Variants in MYOF observed in about 807,000 individuals in gnomAD.
The protein encoded by MYOF is fer-1-like 3, myoferlin.
Under a neutral mutation model 284.2 loss-of-function variants are expected in MYOF, and 244 were observed. The ratio of observed to expected loss-of-function variants is 0.86; its 90% CI spans 0.77 to 0.95. The LOEUF is 0.95. Ranked by LOEUF, MYOF falls within the 40% of genes least tolerant of loss-of-function variation. MYOF has a pLI of 0.00. For synonymous variants in MYOF, 904 were observed against 919.7 expected, an observed-to-expected ratio of 0.98 and a Z score of 0.31; for missense variants, 2,496 against 2,560.6, an observed-to-expected ratio of 0.97 and a Z score of 0.54.
At position 93,351,531 on chromosome 10, in the gene MYOF, A is replaced by G. The variant is rs1844512126; in HGVS notation, c.3704T>C (p.Val1235Ala). ...GTCCATTTCTGAGTTCAGTTTCACCACAGGAGAGAAAATGCTTCGTCCTAA... is the reference window on the plus strand; with the variant it reads ...GTCCATTTCTGAGTTCAGTTTCACCGCAGGAGAGAAAATGCTTCGTCCTAA... ...EFLGRSIFSP[V>A]VKLNSEMDIT... Residue 1235 changes from valine to alanine, a missense_variant, in exon 34 of 54, where the codon GTG becomes GCG. Coordinates refer to ENST00000359263, the MANE Select transcript of MYOF (RefSeq NM_013451.4). 1 of 1,614,230 alleles carries G rather than the reference A, an allele frequency of 6.2e-7. No individual in the cohort carries two copies. Among genetic ancestry groups the G allele is most frequent in the African/African-American group, 1.3e-5 (1 of 75,070 alleles).
At chr10:93,475,768 C>A (rs146522002) in intron 1 of MYOF, among the ~76,000 whole-genome samples, 108 of 152,294 alleles carry the variant, frequency 7.1e-4, no homozygotes, top group African/African-American at 2.4e-3. Context: ...AAAACCCATA[C>A]CAGACAAATA....
Position 93,351,584 on chromosome 10 carries a change from AGTG to A in MYOF, c.3664-16_3664-14del, listed in dbSNP as rs1844516342. The A allele has an allele frequency of 6.2e-7, 1 of 1,613,006 alleles. No homozygotes were observed. The highest frequency in any genetic ancestry group is 1.7e-5 in the Admixed American group (1 of 59,866). ...ATTCATCTTTGCCCTAGAGAAACAA[AGTG>A]ATCCTTAAATTCCCCGACAATCATC... On this transcript the variant is annotated splice_polypyrimidine_tract_variant and intron_variant, in intron 33 of 53. Transcript: ENST00000359263.
At position 93,347,736 on chromosome 10, in the gene MYOF, A is replaced by T; in HGVS notation, c.4130T>A (p.Val1377Asp). 6.2e-7 allele frequency: 1 copy of T among 1,614,086 alleles called. No homozygotes were observed. The highest frequency in any genetic ancestry group is 8.5e-7 in the Non-Finnish European group (1 of 1,180,026). ...ELYMPPLVIK[V>D]IDHRQFGRKP... ...CCGCCCAAACTGCCTGTGGTCGATG[A>T]CCTTGATCACCAGTGGGGGCATGTA... The change falls in exon 37 of 54, where the codon GTC (valine) becomes GAC (aspartate). Residue 1377 changes from valine to aspartate, a missense_variant. By Grantham distance (152) the Val-to-Asp change is radical. Transcript: ENST00000359263.
At chr10:93,387,603 A>ATCAGTGT (rs985207466) in intron 19 of MYOF, among the ~76,000 whole-genome samples, 194 bp downstream of exon 19, 28 of 152,304 alleles carry the variant, frequency 1.8e-4, no homozygotes, top group Middle Eastern at 3.4e-3. Context: ...GTTTGTGGGT[A>ATCAGTGT]TCAGTGTTCT....
intron 3 of MYOF, among the ~76,000 whole-genome samples, chr10:93,444,255 A>G (rs1356663978): frequency 6.6e-5 from 10 of 152,188 alleles, no homozygotes; most frequent in Non-Finnish European, 1.2e-4. Context: ...TCACTCATTC[A>G]TCCAACAAAC....
chr10:93,395,404 C>T (rs1293796046), intron 16 of MYOF, among the ~76,000 whole-genome samples: 1 of 152,204 alleles, frequency 6.6e-6, no homozygotes, highest in Non-Finnish European at 1.5e-5. Flanking sequence ...GATCACGCCA[C>T]TGCACTCCAG....
At position 93,329,808 on chromosome 10, in the gene MYOF, G is replaced by A. The variant is rs1218203044; in HGVS notation, c.4838C>T (p.Pro1613Leu). The change falls in exon 44 of 54, where the codon CCT becomes CTT. Residue 1613 changes from proline (P) to leucine (L), a missense_variant. By Grantham distance (98) the Pro-to-Leu change is moderately conservative. This residue lies in a region of MYOF where 2,436 missense variants were observed against 2,480.7 expected (regional missense o/e 0.98). Transcript: ENST00000359263. Reference sequence around the variant, plus strand: ...AGAAATTTTCAGGTCTTTTTCTTGAGGTAAGTAGCAGCTCAGTTCGTACAT... The same window carrying A: ...AGAAATTTTCAGGTCTTTTTCTTGAAGTAAGTAGCAGCTCAGTTCGTACAT... ...GRMYELSCYL[P>L]QEKDLKISVY... 1.2e-6 allele frequency: 2 copies of A among 1,614,194 alleles called. No homozygotes were observed. Among genetic ancestry groups the A allele is most frequent in the Non-Finnish European group, 1.7e-6 (2 of 1,180,048 alleles).
intron 7 of MYOF, among the ~76,000 whole-genome samples, chr10:93,405,054 T>C (rs1009055062): frequency 2.6e-5 from 4 of 152,244 alleles, no homozygotes; most frequent in African/African-American, 9.6e-5. Context: ...GCTGAAAGAA[T>C]GGTAAAATAA....
At chr10:93,408,224 C>A (rs1328286470) in intron 7 of MYOF, among the ~76,000 whole-genome samples, 17 of 152,054 alleles carry the variant, frequency 1.1e-4, no homozygotes, top group Admixed American at 1.1e-3. Flanking sequence ...AGCTAGATAT[C>A]TTTTAGATTG....
Position 93,313,134 on chromosome 10 carries a change from C to G in MYOF, c.5775G>C (p.Pro1925=), listed in dbSNP as rs747282819. ...TAAGGGGGTTCATGGCTTTGAGGTC[C>G]GGAATCATGTCCAATCTGCATTTCT... The part of the protein sequence containing the change: ...SPEKCRLDMI[P]DLKAMNPLKA... The change falls in exon 51 of 54, where the codon CCG becomes CCC. Residue 1925 remains proline (P), a synonymous_variant. Coordinates refer to ENST00000359263, the MANE Select transcript of MYOF (RefSeq NM_013451.4). 6.2e-7 allele frequency: 1 copy of G among 1,613,886 alleles called. No individual in the cohort carries two copies. Among genetic ancestry groups the G allele is most frequent in the African/African-American group, 1.3e-5 (1 of 74,910 alleles).
intron 1 of MYOF, among the ~76,000 whole-genome samples, chr10:93,462,257 A>T (rs76143002): frequency 0.031 from 4,728 of 152,188 alleles, 219 homozygotes; most frequent in East Asian, 0.25. Context: ...TTTAGTAAAG[A>T]CAGGGTTTCC....
At chr10:93,370,851 G>T (rs1423803698) in intron 24 of MYOF, among the ~76,000 whole-genome samples, 1 of 145,238 alleles carries the variant, frequency 6.9e-6, no homozygotes, top group Non-Finnish European at 1.5e-5. Context: ...ATTCCAATTT[G>T]AGTATGGGGC....
chr10:93,421,814 T>C (rs909094268), intron 5 of MYOF, among the ~76,000 whole-genome samples: 2 of 152,306 alleles, frequency 1.3e-5, no homozygotes, highest in Admixed American at 1.3e-4. Flanking sequence ...ACTTCTTTTC[T>C]TTATAACTTA....
chr10:93,310,855 C>T (rs1342054937), intron 51 of MYOF, among the ~76,000 whole-genome samples: 2 of 152,074 alleles, frequency 1.3e-5, no homozygotes, highest in Non-Finnish European at 2.9e-5. Flanking sequence ...CAAATTGCTT[C>T]CCCCACTCCC....
intron 31 of MYOF, 54 bp downstream of exon 31, chr10:93,355,574 A>C (rs1195709689): frequency 8.5e-7 from 1 of 1,169,836 alleles, no homozygotes; most frequent in Non-Finnish European, 1.2e-6. Context: ...GGCCAGACTC[A>C]GTCTTGAAAA....
chr10:93,310,547 G>A lies in MYOF; in HGVS notation c.5986C>T (p.Leu1996=), dbSNP rs1175185316. ...AAGGCCTCTCACTTTGGTAAGTCCA[G>A]CTTGGGGTTCATGTTGGGTTCGTCC... The part of the protein sequence containing the change: ...GRDEPNMNPK[L]DLPNRPETSF... The change falls in exon 52 of 54, where the codon CTG becomes TTG. Residue 1996 remains leucine (L), a synonymous_variant. Coordinates refer to ENST00000359263, the MANE Select transcript of MYOF (RefSeq NM_013451.4). The A allele has an allele frequency of 1.2e-6, 2 of 1,614,142 alleles. No homozygotes were observed. Among genetic ancestry groups the A allele is most frequent in the Non-Finnish European group, 1.7e-6 (2 of 1,180,014 alleles).
intron 37 of MYOF, among the ~76,000 whole-genome samples, chr10:93,344,628 T>C (rs1230756560): frequency 6.8e-6 from 1 of 147,090 alleles, no homozygotes; most frequent in East Asian, 2.0e-4. Context: ...AAATATCTAA[T>C]GTAGATAACA....
intron 50 of MYOF, among the ~76,000 whole-genome samples, chr10:93,314,017 C>T (rs890550125): frequency 6.6e-5 from 10 of 152,182 alleles, no homozygotes; most frequent in Admixed American, 1.3e-4. Flanking sequence ...CAACAGAAAA[C>T]GCTCACCAGG....
chr10:93,353,828 T>C lies in MYOF; in HGVS notation c.3464A>G (p.Asp1155Gly). 6.2e-7 allele frequency: 1 copy of C among 1,609,958 alleles called. No individual in the cohort carries two copies. Among genetic ancestry groups the C allele is most frequent in the Non-Finnish European group, 8.5e-7 (1 of 1,177,414 alleles). The change falls in exon 32 of 54, where the codon GAT becomes GGT. Residue 1155 changes from aspartate to glycine, a missense_variant. Around this residue, in one of 3 missense-constraint regions of MYOF, gnomAD observed 2,436 missense variants for 2,480.7 expected, o/e 0.98. Transcript: ENST00000359263. ...TCCTTTACCTGAAAAGCTATCCTTA[T>C]CTAAAGCCAAGAGGTTTCTGGCTTG... ...VYQARNLLAL[D>G]KDSFSDPYAH...
Sources: allele counts gnomAD v4.1 joint callset (sites outside exome capture counted in the v4.1 genomes callset), GRCh38; gene constraint gnomAD v4.1.1; regional missense constraint gnomAD v4.1.1; transcripts MANE v1.5; gene names NCBI Gene and HGNC (gene_info 2026-07-23, HGNC 2026-07-21).